RIPOR2: variants seen among roughly 807,000 people sequenced by gnomAD.
The protein encoded by RIPOR2 is rho family-interacting cell polarization regulator 2.
Under a neutral mutation model 114.5 loss-of-function variants are expected in RIPOR2, and 39 were observed. The observed-to-expected ratio is 0.34, with a 90% CI of 0.26 to 0.44. RIPOR2 has a LOEUF of 0.44. RIPOR2 is among the 20% of genes least tolerant of loss of function. The pLI, the probability that RIPOR2 is intolerant of heterozygous loss-of-function variation, is 1.00. For synonymous variants in RIPOR2, 445 were observed against 484.4 expected, an observed-to-expected ratio of 0.92 and a Z score of 1.07; for missense variants, 1,007 against 1,255.1, an observed-to-expected ratio of 0.80 and a Z score of 2.99.
chr6:25,000,438 A>C (rs1253230390), intron 1 of RIPOR2, among the ~76,000 whole-genome samples: 3 of 152,188 alleles, frequency 2.0e-5, no homozygotes, highest in Admixed American at 2.0e-4. Context: ...CCTGTCCCTG[A>C]CACATAGTAA....
chr6:25,040,805 G>T (rs916139422), intron 1 of RIPOR2, among the ~76,000 whole-genome samples: 2 of 151,886 alleles, frequency 1.3e-5, no homozygotes, highest in Non-Finnish European at 2.9e-5. Context: ...GTTGGCCAGG[G>T]TGGTCTCGAT....
intron 1 of RIPOR2, among the ~76,000 whole-genome samples, chr6:25,035,206 T>C (rs1311173490): frequency 6.6e-6 from 1 of 152,228 alleles, no homozygotes; most frequent in Non-Finnish European, 1.5e-5. Context: ...AGGCTGTTAA[T>C]GGATAAACTT....
Position 24,865,558 on chromosome 6 carries a change from G to A in RIPOR2, c.502-108C>T. On this transcript the variant is annotated intron_variant, in intron 6 of 21. Coordinates refer to ENST00000643898, the MANE Select transcript of RIPOR2 (RefSeq NM_001286445.3). ...TTTATATTTCTGACCTCTACAAAGAGAATCCTGTAGAAGTATTATCCTTTT... is the reference window on the plus strand; with the variant it reads ...TTTATATTTCTGACCTCTACAAAGAAAATCCTGTAGAAGTATTATCCTTTT... The A allele has an allele frequency of 3.4e-6, 3 of 874,880 alleles. No homozygotes were observed. The South Asian group carries it at 6.2e-5, about 18-fold the overall frequency. 54.2% of individuals were successfully genotyped at this position (874,880 alleles called of 1,614,324 possible). A position where few individuals can be genotyped will look rare whatever the true frequency, so the allele number is the denominator to read the frequency against.
chr6:24,847,317 A>T (rs1274852669), intron 12 of RIPOR2, among the ~76,000 whole-genome samples: 3 of 152,206 alleles, frequency 2.0e-5, no homozygotes, highest in Non-Finnish European at 2.9e-5. Flanking sequence ...TCTTTGCCAC[A>T]ATGGAGAAAA....
intron 1 of RIPOR2, among the ~76,000 whole-genome samples, chr6:24,962,565 A>G (rs1250307216): frequency 6.6e-6 from 1 of 152,198 alleles, no homozygotes; most frequent in African/African-American, 2.4e-5. Context: ...TGCCATGGAT[A>G]TATCATCTTT....
intron 20 of RIPOR2, among the ~76,000 whole-genome samples, chr6:24,811,064 C>T (rs2113627535): frequency 6.6e-6 from 1 of 152,108 alleles, no homozygotes; most frequent in East Asian, 1.9e-4. Flanking sequence ...CTCAGCCTCC[C>T]AAAGTGCTGG....
chr6:24,993,369 G>C (rs1290636760), intron 1 of RIPOR2, among the ~76,000 whole-genome samples: 1 of 152,148 alleles, frequency 6.6e-6, no homozygotes, highest in Non-Finnish European at 1.5e-5. Context: ...TTCTTGGTTT[G>C]AAATATGTTT....
intron 20 of RIPOR2, among the ~76,000 whole-genome samples, chr6:24,810,893 C>G (rs1223674297): frequency 6.6e-6 from 1 of 152,054 alleles, no homozygotes; most frequent in Admixed American, 6.6e-5. Flanking sequence ...CAACTTCTGT[C>G]TCCTGGGTTC....
intron 12 of RIPOR2, chr6:24,847,653 C>T: frequency 6.4e-7 from 1 of 1,551,756 alleles, no homozygotes; most frequent in South Asian, 1.2e-5. Context: ...TCAAGACAGA[C>T]AGCCGCCTGG....
rs889509285 is a variant in RIPOR2 at position 24,858,977 on chromosome 6, GAGGGAGACC to G, written c.715+1987_715+1995del. Among the ~76,000 whole-genome samples, 3 of 152,200 alleles carry G rather than the reference GAGGGAGACC, an allele frequency of 2.0e-5. No homozygotes were observed. The highest frequency in any genetic ancestry group is 2.0e-4 in the Admixed American group (3 of 15,278). ...GCTAGGTTGGAGAGGATCTGCCCGT[GAGGGAGACC>G]ATTCTTTGAGCAATGGTTTATATTG... is the stretch of plus-strand genomic sequence containing the variant. On this transcript the variant is annotated intron_variant, in intron 8 of 21. Transcript: ENST00000643898. The surrounding 1 kb of genome is among the most constrained non-coding windows in gnomAD (Gnocchi z 4.0).
At chr6:24,839,575 A>G (rs1176181637) in intron 13 of RIPOR2, 15 of 1,498,420 alleles carry the variant, frequency 1.0e-5, no homozygotes, top group Non-Finnish European at 1.4e-5. Flanking sequence ...GCACACTGGG[A>G]TCCATTAGAG....
chr6:24,847,664 G>A lies in RIPOR2; in HGVS notation c.1164+361C>T. Reference sequence around the variant, plus strand: ...GCACTCAAGACAGACAGCCGCCTGGGCTTGTCTGGGGAAGGATGCAGCCAC... The same window carrying A: ...GCACTCAAGACAGACAGCCGCCTGGACTTGTCTGGGGAAGGATGCAGCCAC... On this transcript the variant is annotated intron_variant, in intron 12 of 21. Transcript: ENST00000643898. 1 of 1,551,682 alleles carries A rather than the reference G, an allele frequency of 6.4e-7. No individual in the cohort carries two copies. The highest frequency in any genetic ancestry group is 8.7e-7 in the Non-Finnish European group (1 of 1,146,862).
chr6:24,935,964 G>T (rs1488734897), upstream of RIPOR2: 8 of 1,216,364 alleles, frequency 6.6e-6, no homozygotes, highest in African/African-American at 1.5e-5. Context: ...TCACACTGCC[G>T]ACCGAGGTGA....
chr6:24,840,260 C>A lies in RIPOR2; in HGVS notation c.1858-988G>T, dbSNP rs1476698308. The A allele has an allele frequency of 3.9e-6, 4 of 1,017,656 alleles. No homozygotes were observed. The African/African-American group carries it at 7.0e-5, about 18-fold the overall frequency. The allele number at this position is 1,017,656 out of a possible 1,614,324, so 63.0% of individuals were successfully genotyped here. A position where few individuals can be genotyped will look rare whatever the true frequency, so the allele number is the denominator to read the frequency against. ...CACCTGCTCACAGCATATAATTTTT[C>A]CTCTGAGGACTGAGGAAAGAATGAA... On this transcript the variant is annotated intron_variant, in intron 13 of 21. Coordinates refer to ENST00000643898, the MANE Select transcript of RIPOR2 (RefSeq NM_001286445.3).
intron 4 of RIPOR2, among the ~76,000 whole-genome samples, chr6:24,871,644 C>A (rs759972817): frequency 6.6e-6 from 1 of 152,232 alleles, no homozygotes; most frequent in South Asian, 2.1e-4. Flanking sequence ...TGAGCCACCA[C>A]GCCCGGCCTT....
intron 1 of RIPOR2, among the ~76,000 whole-genome samples, chr6:24,944,247 G>A (rs555469363): frequency 6.6e-6 from 1 of 152,306 alleles, no homozygotes; most frequent in South Asian, 2.1e-4. Context: ...AGGCAGAGTT[G>A]TAAAGTGCTT....
intron 1 of RIPOR2, among the ~76,000 whole-genome samples, chr6:24,997,213 C>T (rs1241883654): frequency 6.6e-6 from 1 of 152,084 alleles, no homozygotes; most frequent in Non-Finnish European, 1.5e-5. Flanking sequence ...TAAAAAACTC[C>T]CCAGGTGATT....
chr6:25,005,738 T>TATATATATATATATATATATACAC (rs34572978), intron 1 of RIPOR2, among the ~76,000 whole-genome samples: 6 of 70,698 alleles, frequency 8.5e-5, no homozygotes, highest in South Asian at 5.0e-4. Context: ...TATATATATA[T>TATATATATATATATATATATACAC]ATACATTTAC....
intron 1 of RIPOR2, among the ~76,000 whole-genome samples, chr6:25,040,717 T>C (rs762301844): frequency 1.9e-4 from 29 of 151,452 alleles, no homozygotes; most frequent in Admixed American, 5.3e-4. Context: ...CTCAGCCTCC[T>C]GAGTAGCTGG....
Sources: allele counts gnomAD v4.1 joint callset (sites outside exome capture counted in the v4.1 genomes callset), GRCh38; gene constraint gnomAD v4.1.1; non-coding constraint Gnocchi (gnomAD v3.1); transcripts MANE v1.5; gene names NCBI Gene and HGNC (gene_info 2026-07-23, HGNC 2026-07-21).